EDAR: variants seen among roughly 807,000 people sequenced by gnomAD.
EDAR encodes the protein ectodysplasin A receptor.
EDAR carries 38 observed loss-of-function variants against 51.3 expected under a neutral mutation model. That is an observed-to-expected ratio of 0.74 (90% confidence interval 0.57 to 0.97). The LOEUF (loss-of-function observed/expected upper bound fraction) is 0.97. EDAR is among the 50% of genes least tolerant of loss of function. The pLI, the probability that EDAR is intolerant of heterozygous loss-of-function variation, is 0.00. For missense variants in EDAR, 528 were observed against 595.0 expected, an observed-to-expected ratio of 0.89 and a Z score of 1.17; for synonymous variants, 227 against 242.1, an observed-to-expected ratio of 0.94 and a Z score of 0.58.
chr2:108,971,723 A>G (rs1166760301), intron 1 of EDAR, among the ~76,000 whole-genome samples: 2 of 152,252 alleles, frequency 1.3e-5, no homozygotes, highest in African/African-American at 4.8e-5. Flanking sequence ...AGTTGGCATT[A>G]GAAGTCAGGT....
chr2:108,906,269 G>A, intron 11 of EDAR, 39 bp downstream of exon 11: 1 of 1,608,520 alleles, frequency 6.2e-7, no homozygotes, highest in South Asian at 1.1e-5. Flanking sequence ...ATGTCGGTGG[G>A]GTGGGCACCA....
chr2:108,965,049 C>T (rs1438455709), intron 1 of EDAR, among the ~76,000 whole-genome samples: 1 of 152,142 alleles, frequency 6.6e-6, no homozygotes, highest in Non-Finnish European at 1.5e-5. Context: ...TAATATTCCT[C>T]CAAACATTTT....
rs115435041 is a variant in EDAR at position 108,926,993 on chromosome 2, T to C, written c.356+2205A>G. On this transcript the variant is annotated intron_variant, in intron 4 of 11. Coordinates refer to ENST00000258443, the MANE Select transcript of EDAR (RefSeq NM_022336.4). Reference sequence around the variant, plus strand: ...TACCCTGGGGAAGCCTTGTCTGCAGTAGAGGGGGCAGCATGAGCCCCTGAG... The same window carrying C: ...TACCCTGGGGAAGCCTTGTCTGCAGCAGAGGGGGCAGCATGAGCCCCTGAG... 3.7e-3 allele frequency among the ~76,000 whole-genome samples: 568 copies of C among 152,178 alleles called. 5 individuals carry two copies. The highest frequency in any genetic ancestry group is 0.013 in the African/African-American group (525 of 41,534).
intron 1 of EDAR, among the ~76,000 whole-genome samples, chr2:108,942,179 C>T (rs1697613429): frequency 6.6e-6 from 1 of 152,212 alleles, no homozygotes; most frequent in Non-Finnish European, 1.5e-5. Context: ...CACTAAACCT[C>T]CCCAGCATTG....
rs573927205 is a variant in EDAR at position 108,982,889 on chromosome 2, C to T, written c.-19+6071G>A. Among the ~76,000 whole-genome samples, 285 of 152,304 alleles carry T rather than the reference C, an allele frequency of 1.9e-3. 1 individual carries two copies. Among genetic ancestry groups the T allele is most frequent in the African/African-American group, 6.2e-3 (259 of 41,568 alleles). On this transcript the variant is annotated intron_variant, in intron 1 of 11. Coordinates refer to ENST00000258443, the MANE Select transcript of EDAR (RefSeq NM_022336.4). ...CAGTGGCCACAGAACAAGGACTGGC[C>T]ACCCAGACAGGCCAGGTGCCTGCTG...
intron 1 of EDAR, among the ~76,000 whole-genome samples, chr2:108,983,016 T>C (rs952583719): frequency 2.0e-5 from 3 of 152,198 alleles, no homozygotes; most frequent in Non-Finnish European, 4.4e-5. Context: ...GGAGATTTTA[T>C]TGCCCATAAA....
chr2:108,930,459 C>A (rs1475235029), intron 2 of EDAR, among the ~76,000 whole-genome samples: 1 of 152,082 alleles, frequency 6.6e-6, no homozygotes, highest in Non-Finnish European at 1.5e-5. Context: ...CCACTAGAAC[C>A]ACCCTGCCTC....
chr2:108,974,034 A>C (rs180898612), intron 1 of EDAR, among the ~76,000 whole-genome samples: 3 of 152,290 alleles, frequency 2.0e-5, no homozygotes, highest in African/African-American at 7.2e-5. Flanking sequence ...AGAAAAATAG[A>C]AATGCCACAT....
chr2:108,921,900 G>C (rs1173618536), intron 5 of EDAR, among the ~76,000 whole-genome samples: 2 of 152,248 alleles, frequency 1.3e-5, no homozygotes, highest in Non-Finnish European at 2.9e-5. Flanking sequence ...CTCCTTCAGG[G>C]CCGGATTCTA....
chr2:108,985,290 G>A (rs993703170), intron 1 of EDAR, among the ~76,000 whole-genome samples: 11 of 152,168 alleles, frequency 7.2e-5, no homozygotes, highest in South Asian at 6.2e-4. Context: ...TAAGAGTAAC[G>A]TGACTGTGGT....
At chr2:108,983,868 C>T (rs1269509820) in intron 1 of EDAR, among the ~76,000 whole-genome samples, 3 of 152,274 alleles carry the variant, frequency 2.0e-5, no homozygotes, top group South Asian at 4.1e-4. Context: ...AGAGCCACTG[C>T]GTCCCCACTC....
At chr2:108,973,272 G>A (rs1027760180) in intron 1 of EDAR, among the ~76,000 whole-genome samples, 1 of 152,160 alleles carries the variant, frequency 6.6e-6, no homozygotes, top group Non-Finnish European at 1.5e-5. Flanking sequence ...ACAGGCATGA[G>A]CCACCGCACC....
chr2:108,917,937 C>T lies in EDAR; in HGVS notation c.443-5173G>A, dbSNP rs571725395. 5.3e-5 allele frequency among the ~76,000 whole-genome samples: 8 copies of T among 152,008 alleles called. No individual in the cohort carries two copies. In the South Asian group the frequency reaches 1.7e-3, roughly 32 times the overall value. On this transcript the variant is annotated intron_variant, in intron 5 of 11. Coordinates refer to ENST00000258443, the MANE Select transcript of EDAR (RefSeq NM_022336.4). ...TTTCCAGGCGAGTCAGAAAAATTGC[C>T]ATGGAAAACAAGCACCTACTCTGCA... is the stretch of plus-strand genomic sequence containing the variant.
At chr2:108,915,912 A>T (rs1330718500) in intron 5 of EDAR, among the ~76,000 whole-genome samples, 23 of 152,192 alleles carry the variant, frequency 1.5e-4, no homozygotes, top group Admixed American at 9.8e-4. Context: ...AAAAAATAAA[A>T]AATAAATAAA....
chr2:108,963,885 T>C (rs1025649373), intron 1 of EDAR, among the ~76,000 whole-genome samples: 1 of 152,146 alleles, frequency 6.6e-6, no homozygotes, highest in Admixed American at 6.5e-5. Flanking sequence ...CAGAAGCAGA[T>C]GACCATAGAC....
chr2:108,914,784 C>T (rs944573445), intron 5 of EDAR, among the ~76,000 whole-genome samples: 1 of 152,240 alleles, frequency 6.6e-6, no homozygotes, highest in Non-Finnish European at 1.5e-5. Flanking sequence ...GAGTCAAGGA[C>T]AAGGCCAGCT....
chr2:108,978,521 G>A (rs796561274), intron 1 of EDAR, among the ~76,000 whole-genome samples: 6 of 152,266 alleles, frequency 3.9e-5, no homozygotes, highest in African/African-American at 1.4e-4. Context: ...CACGGGCTTA[G>A]GGAACATGCA....
intron 1 of EDAR, among the ~76,000 whole-genome samples, chr2:108,974,852 C>T (rs1428132319): frequency 6.6e-6 from 1 of 152,204 alleles, no homozygotes; most frequent in African/African-American, 2.4e-5. Context: ...TCCCACCACC[C>T]CGAGCTGCCT....
At chr2:108,906,866 C>T (rs543046444) in intron 10 of EDAR, among the ~76,000 whole-genome samples, 2 of 152,290 alleles carry the variant, frequency 1.3e-5, no homozygotes, top group East Asian at 3.9e-4. Flanking sequence ...AAGTGGCAGC[C>T]CCATTACAGA....
Sources: allele counts gnomAD v4.1 joint callset (sites outside exome capture counted in the v4.1 genomes callset), GRCh38; gene constraint gnomAD v4.1.1; transcripts MANE v1.5; gene names NCBI Gene and HGNC (gene_info 2026-07-23, HGNC 2026-07-21).